USP9Y: variants seen among roughly 807,000 people sequenced by gnomAD.
USP9Y encodes the protein ubiquitin specific peptidase 9 Y-linked.
USP9Y carries 41 observed loss-of-function variants against 53.1 expected under a neutral mutation model. The ratio of observed to expected loss-of-function variants is 0.77; its 90% CI spans 0.60 to 1.00. The LOEUF (loss-of-function observed/expected upper bound fraction) is 1.00, where lower values mean the gene tolerates loss of function less well. Among genes scored for constraint, USP9Y ranks in the 50% least tolerant of loss-of-function variants. The probability of loss-of-function intolerance (pLI) is 0.00; values close to 1 mark genes in which losing one functional copy is unlikely to be tolerated. For synonymous variants in USP9Y, 220 were observed against 173.7 expected, an observed-to-expected ratio of 1.27 and a Z score of -2.09; for missense variants, 567 against 535.8, an observed-to-expected ratio of 1.06 and a Z score of -0.58.
At chrY:12,813,944 G>C in intron 31 of USP9Y, among the ~76,000 whole-genome samples, 1 of 33,330 alleles carries the variant, frequency 3.0e-5, no homozygotes, top group Non-Finnish European at 7.4e-5. Flanking sequence ...AGCCACCCAA[G>C]TAGGTGGGAT....
chrY:12,806,156 TA>T (rs2053524254), intron 27 of USP9Y, among the ~76,000 whole-genome samples: 4 of 32,648 alleles, frequency 1.2e-4, no homozygotes, highest in East Asian at 7.7e-4. Flanking sequence ...ATTTGTTTTT[TA>T]AAAAAAAATG....
At chrY:12,841,178 G>T in intron 37 of USP9Y, 45 bp downstream of exon 37, 1 of 355,539 alleles carries the variant, frequency 2.8e-6, no homozygotes, top group South Asian at 3.6e-5. Flanking sequence ...ATAGTTGTTT[G>T]GTTCTTTATT....
intron 14 of USP9Y, among the ~76,000 whole-genome samples, chrY:12,758,943 C>G (rs2053472359): frequency 3.0e-5 from 1 of 33,434 alleles, no homozygotes; most frequent in Non-Finnish European, 7.4e-5. Flanking sequence ...GATATTATGC[C>G]ATGTGTTGTA....
intron 33 of USP9Y, among the ~76,000 whole-genome samples, chrY:12,830,312 C>A: frequency 3.0e-5 from 1 of 33,476 alleles, no homozygotes; most frequent in Non-Finnish European, 7.4e-5. Flanking sequence ...AAATTATAGA[C>A]CAGTAATCCA....
intron 12 of USP9Y, among the ~76,000 whole-genome samples, chrY:12,751,005 AT>A (rs2053463843): frequency 1.1e-3 from 30 of 26,872 alleles, no homozygotes; most frequent in African/African-American, 3.6e-3. Flanking sequence ...TTTTTTATTT[AT>A]TTTTTTTTTT....
intron 14 of USP9Y, among the ~76,000 whole-genome samples, chrY:12,760,022 A>G: frequency 1.2e-4 from 4 of 34,106 alleles, no homozygotes; most frequent in Non-Finnish European, 2.2e-4. Context: ...TATTTACTAT[A>G]GATAGATGCA....
chrY:12,745,326 T>C (rs752328064), intron 12 of USP9Y, among the ~76,000 whole-genome samples: 1 of 33,987 alleles, frequency 2.9e-5, no homozygotes, highest in East Asian at 7.8e-4. Flanking sequence ...CCACAAGGAC[T>C]CTCAGATGGG....
chrY:12,815,945 C>T (rs2053535844), intron 31 of USP9Y, among the ~76,000 whole-genome samples, 179 bp from the exon 32 acceptor site: 2 of 34,375 alleles, frequency 5.8e-5, no homozygotes, highest in African/African-American at 2.3e-4. Flanking sequence ...ATCAACTTAA[C>T]AAGGTCTGTA....
Position 12,736,230 on chromosome Y carries a change from A to G in USP9Y, c.1006A>G (p.Arg336Gly), listed in dbSNP as rs902211002. 2.6e-6 allele frequency: 1 copy of G among 385,824 alleles called. No individual in the cohort carries two copies. Among genetic ancestry groups the G allele is most frequent in the Non-Finnish European group, 3.7e-6 (1 of 273,964 alleles). Residue 336 changes from arginine to glycine, a missense_variant, in exon 9 of 46, where the codon AGG becomes GGG. By Grantham distance (125) the Arg-to-Gly change is moderately radical. Transcript: ENST00000338981. ...GACTATAAAAAATTTGGAAATTTTTAGGTTAAAGATGATACTCAGGTAAGA... is the reference window on the plus strand; with the variant it reads ...GACTATAAAAAATTTGGAAATTTTTGGGTTAAAGATGATACTCAGGTAAGA... ...DETIKNLEIFRLKMILRLLQI... is the reference protein window; with the variant it reads ...DETIKNLEIFGLKMILRLLQI...
chrY:12,785,188 GTCA>G (rs2053500567), intron 22 of USP9Y, among the ~76,000 whole-genome samples: 1 of 32,940 alleles, frequency 3.0e-5, no homozygotes, highest in Non-Finnish European at 7.5e-5. Context: ...TACCCTCAAA[GTCA>G]TCATTCTACT....
chrY:12,816,075 C>T (rs1159839942), intron 31 of USP9Y, 49 bp from the exon 32 acceptor site: 15 of 360,416 alleles, frequency 4.2e-5, no homozygotes, highest in Non-Finnish European at 6.0e-5. Context: ...AAATGGTGAA[C>T]AGAATCACTG....
chrY:12,771,196 C>T, intron 16 of USP9Y, 41 bp downstream of exon 16: 5 of 265,861 alleles, frequency 1.9e-5, no homozygotes, highest in Non-Finnish European at 3.0e-5. Context: ...TAAGGCACTG[C>T]AGTGATAAGG....
chrY:12,778,021 C>T lies in USP9Y; in HGVS notation c.2642C>T (p.Ala881Val). Residue 881 changes from alanine (A) to valine (V), a missense_variant and splice_region_variant, in exon 20 of 46, where the codon GCA becomes GTA. Physicochemically the swap from Ala to Val is moderately conservative, Grantham distance 64 (BLOSUM62 0). Transcript: ENST00000338981. ...TTATTTACTTATTTATTTTTCAGAG[C>T]ATTTCGTGGCAAACACCTCTCTCTT... ...KERMILPMSR[A>V]FRGKHLSLIV... The T allele has an allele frequency of 2.6e-6, 1 of 389,725 alleles. No homozygotes were observed. The highest frequency in any genetic ancestry group is 3.6e-6 in the Non-Finnish European group (1 of 278,714).
chrY:12,777,502 G>A (rs2053493661), intron 19 of USP9Y, among the ~76,000 whole-genome samples: 1 of 33,175 alleles, frequency 3.0e-5, no homozygotes, highest in South Asian at 6.6e-4. Flanking sequence ...TTTCTTAACT[G>A]AAAAAATGTA....
intron 4 of USP9Y, chrY:12,721,097 T>C: frequency 1.7e-5 from 1 of 58,500 alleles, no homozygotes; most frequent in Non-Finnish European, 3.8e-5. Context: ...TATACCAGAG[T>C]TCTGGAGAAC....
chrY:12,764,196 A>G (rs763853613), intron 15 of USP9Y, among the ~76,000 whole-genome samples: 1 of 33,696 alleles, frequency 3.0e-5, no homozygotes, highest in Non-Finnish European at 7.4e-5. Flanking sequence ...TCAAAAAGAC[A>G]TAGGATTTGC....
At chrY:12,837,160 C>CA in intron 34 of USP9Y, among the ~76,000 whole-genome samples, 2 of 31,934 alleles carry the variant, frequency 6.3e-5, no homozygotes, top group Non-Finnish European at 1.5e-4. Context: ...AAACAAAAAA[C>CA]AAAAAAAACT....
At chrY:12,829,901 C>T (rs2053549581) in intron 33 of USP9Y, among the ~76,000 whole-genome samples, 1 of 32,488 alleles carries the variant, frequency 3.1e-5, no homozygotes, top group African/African-American at 1.2e-4. Flanking sequence ...GATACTCAGC[C>T]GTTACTGATA....
At chrY:12,853,531 G>A (rs2053573172) in intron 42 of USP9Y, among the ~76,000 whole-genome samples, 1 of 33,653 alleles carries the variant, frequency 3.0e-5, no homozygotes, top group Non-Finnish European at 7.4e-5. Flanking sequence ...ATCACCCTCC[G>A]TGGGCTGCAC....
Sources: gnomAD v4.1 joint callset for allele counts (sites outside exome capture counted in the v4.1 genomes callset) on GRCh38, gnomAD v4.1.1 for gene constraint, MANE v1.5 for transcripts, NCBI Gene and HGNC (gene_info 2026-07-23, HGNC 2026-07-21) for gene names.